The following FAM81B variants were observed in gnomAD, a reference collection of about 807,000 sequenced individuals.
FAM81B encodes the protein family with sequence similarity 81 member B.
Under a neutral mutation model 58.7 loss-of-function variants are expected in FAM81B, and 60 were observed. The ratio of observed to expected loss-of-function variants is 1.02; its 90% CI spans 0.83 to 1.27. The LOEUF (loss-of-function observed/expected upper bound fraction) is 1.27. Ranked by LOEUF, FAM81B falls within the 50% of genes most tolerant of loss-of-function variation. FAM81B has a pLI of 0.00. For synonymous variants in FAM81B, 189 were observed against 179.6 expected (o/e 1.05, Z -0.42); for missense variants, 491 against 522.0 (o/e 0.94, Z 0.58).
chr5:95,432,783 T>G (rs1238810459), intron 6 of FAM81B, among the ~76,000 whole-genome samples: 1 of 152,114 alleles, frequency 6.6e-6, no homozygotes, highest in East Asian at 1.9e-4. Context: ...TTTTCCCCCT[T>G]GATTAGGTTA....
chr5:95,411,177 C>A (rs552000322), intron 3 of FAM81B, among the ~76,000 whole-genome samples: 1 of 152,104 alleles, frequency 6.6e-6, no homozygotes, highest in Admixed American at 6.6e-5. Context: ...ACTATATAAG[C>A]AAGTGTTTTA....
chr5:95,408,281 T>A lies in FAM81B; in HGVS notation c.294-5666T>A, dbSNP rs544602945. Among the ~76,000 whole-genome samples the A allele has an allele frequency of 2.0e-5, 3 of 152,334 alleles. No homozygotes were observed. In the East Asian group the frequency reaches 5.8e-4, roughly 29 times the overall value. Reference sequence around the variant, plus strand: ...GGCCAAGAGAGGGTATCAGGATTTTTAAGTTTCTTTGCCTGTACATGAAAT... The same window carrying A: ...GGCCAAGAGAGGGTATCAGGATTTTAAAGTTTCTTTGCCTGTACATGAAAT... On this transcript the variant is annotated intron_variant, in intron 3 of 9. Coordinates refer to ENST00000283357, the MANE Select transcript of FAM81B (RefSeq NM_152548.3).
At chr5:95,423,316 C>T (rs1038903078) in intron 5 of FAM81B, among the ~76,000 whole-genome samples, 4 of 152,056 alleles carry the variant, frequency 2.6e-5, no homozygotes, top group African/African-American at 9.7e-5. Flanking sequence ...AAGTTGCCAG[C>T]CTGCTTTTGA....
At chr5:95,413,637 T>C (rs1041650010) in intron 3 of FAM81B, among the ~76,000 whole-genome samples, 3 of 152,224 alleles carry the variant, frequency 2.0e-5, no homozygotes, top group African/African-American at 7.2e-5. Context: ...TAATTTTTTC[T>C]ACGTTAAAGT....
intron 3 of FAM81B, among the ~76,000 whole-genome samples, chr5:95,408,024 T>C (rs865900086): frequency 1.3e-5 from 2 of 151,260 alleles, no homozygotes; most frequent in Non-Finnish European, 1.5e-5. Context: ...TTCCTCACCA[T>C]GTGGACCTCT....
Position 95,440,596 on chromosome 5 carries a change from A to G in FAM81B, c.893+3690A>G, listed in dbSNP as rs573178934. Reference sequence around the variant, plus strand: ...TTACTGCATATAGAAGAGCTCAGAGAGCTACAGACAAAAATTAATGAAGCC... The same window carrying G: ...TTACTGCATATAGAAGAGCTCAGAGGGCTACAGACAAAAATTAATGAAGCC... On this transcript the variant is annotated intron_variant, in intron 7 of 9. Transcript: ENST00000283357. 9 of 649,596 alleles carry G rather than the reference A, an allele frequency of 1.4e-5. No homozygotes were observed. The East Asian group carries it at 2.0e-4, about 14-fold the overall frequency. 40.2% of individuals were successfully genotyped at this position (649,596 alleles called of 1,614,324 possible).
At chr5:95,420,540 G>A in intron 5 of FAM81B, 138 bp downstream of exon 5, 2 of 1,253,196 alleles carry the variant, frequency 1.6e-6, no homozygotes, top group Non-Finnish European at 1.1e-6. Context: ...ATTTGAGAAA[G>A]TGTACCATAG....
intron 3 of FAM81B, among the ~76,000 whole-genome samples, chr5:95,412,975 T>C (rs1371262580): frequency 1.3e-5 from 2 of 152,210 alleles, no homozygotes; most frequent in Admixed American, 1.3e-4. Flanking sequence ...GAATATTTCA[T>C]CACTCAATGA....
intron 5 of FAM81B, among the ~76,000 whole-genome samples, chr5:95,422,122 T>C (rs144210501): frequency 0.014 from 2,120 of 149,622 alleles, 54 homozygotes; most frequent in African/African-American, 0.05. Context: ...ACAACATAAA[T>C]GACTTTGTGG....
chr5:95,423,461 T>G (rs1171701091), intron 5 of FAM81B, among the ~76,000 whole-genome samples: 1 of 149,854 alleles, frequency 6.7e-6, no homozygotes, highest in Non-Finnish European at 1.5e-5. Context: ...GGGATGGATA[T>G]GACTTACAAT....
chr5:95,450,039 G>A lies in FAM81B; in HGVS notation c.1226-110G>A, dbSNP rs571526499. 4.5e-4 allele frequency: 547 copies of A among 1,221,394 alleles called. 1 individual carries two copies. The highest frequency in any genetic ancestry group is 4.0e-3 in the East Asian group (156 of 39,118). The allele number at this position is 1,221,394 out of a possible 1,614,324, so 75.7% of individuals were successfully genotyped here. A position where few individuals can be genotyped will look rare whatever the true frequency, so the allele number is the denominator to read the frequency against. ...GGCTGGTCTTCATAGAATTTAATGCGCTTGGAATTAAATGATAATCAATTA... is the reference window on the plus strand; with the variant it reads ...GGCTGGTCTTCATAGAATTTAATGCACTTGGAATTAAATGATAATCAATTA... On this transcript the variant is annotated intron_variant, in intron 9 of 9. Transcript: ENST00000283357.
Position 95,448,422 on chromosome 5 carries a change from A to T in FAM81B, c.1183A>T (p.Ile395Phe), listed in dbSNP as rs77360423. The T allele has an allele frequency of 1.9e-6, 3 of 1,610,820 alleles. No individual in the cohort carries two copies. Among genetic ancestry groups the T allele is most frequent in the Non-Finnish European group, 2.5e-6 (3 of 1,179,268 alleles). Residue 395 changes from isoleucine to phenylalanine, a missense_variant, in exon 9 of 10, where the codon ATC becomes TTC. By Grantham distance (21) the Ile-to-Phe change is conservative. Transcript: ENST00000283357. Reference sequence around the variant, plus strand: ...AAAGATGGAACAAATGGAAAAGCAGATCTGGGGTGAATTAGAGACAATGCA... The same window carrying T: ...AAAGATGGAACAAATGGAAAAGCAGTTCTGGGGTGAATTAGAGACAATGCA... ...SKKMEQMEKQ[I>F]WGELETMQNE...
chr5:95,407,407 CA>C (rs1762280366), intron 3 of FAM81B, among the ~76,000 whole-genome samples: 1 of 150,704 alleles, frequency 6.6e-6, no homozygotes, highest in Non-Finnish European at 1.5e-5. Context: ...CACACACACA[CA>C]CGCACACACA....
rs550600053 is a variant in FAM81B at position 95,420,118 on chromosome 5, C to A, written c.538-166C>A. Among the ~76,000 whole-genome samples the A allele has an allele frequency of 7.2e-5, 11 of 152,316 alleles. No homozygotes were observed. In the South Asian group the frequency reaches 2.3e-3, roughly 32 times the overall value. Reference sequence around the variant, plus strand: ...AGAATCAAACCACTGCTGCTTCCCTCAGATAAATTAGCAGAGATCACTTCT... The same window carrying A: ...AGAATCAAACCACTGCTGCTTCCCTAAGATAAATTAGCAGAGATCACTTCT... On this transcript the variant is annotated intron_variant, in intron 4 of 9. Coordinates refer to ENST00000283357, the MANE Select transcript of FAM81B (RefSeq NM_152548.3).
rs753463389 is a variant in FAM81B, at chr5:95,414,120, C to G, written c.467C>G (p.Ala156Gly). 41 of 1,614,044 alleles carry G rather than the reference C, an allele frequency of 2.5e-5. No homozygotes were observed. Among genetic ancestry groups the G allele is most frequent in the Non-Finnish European group, 3.5e-5 (41 of 1,179,994 alleles). Residue 156 changes from alanine (A) to glycine (G), a missense_variant, in exon 4 of 10, where the codon GCC becomes GGC. Physicochemically the swap from Ala to Gly is moderately conservative, Grantham distance 60. Coordinates refer to ENST00000283357, the MANE Select transcript of FAM81B (RefSeq NM_152548.3). Reference protein sequence around the residue: ...THGFRKEESLARKLLESHIQT... With the variant: ...THGFRKEESLGRKLLESHIQT... ...GGCTTTCGAAAAGAGGAATCGCTCG[C>G]CAGGAAGTTACTGGAAAGCCACATC... is the stretch of plus-strand genomic sequence containing the variant.
At chr5:95,415,885 A>G (rs1195168782) in intron 4 of FAM81B, among the ~76,000 whole-genome samples, 2 of 152,252 alleles carry the variant, frequency 1.3e-5, no homozygotes. Context: ...TATTAGCAAT[A>G]AGGAGAAAGT....
intron 5 of FAM81B, among the ~76,000 whole-genome samples, chr5:95,427,011 T>A (rs1471331613): frequency 1.3e-5 from 2 of 151,956 alleles, no homozygotes; most frequent in South Asian, 2.1e-4. Context: ...ATTGTGCCAC[T>A]GCACTCCAGC....
At chr5:95,426,024 A>G (rs1201453550) in intron 5 of FAM81B, among the ~76,000 whole-genome samples, 1 of 149,024 alleles carries the variant, frequency 6.7e-6, no homozygotes, top group Non-Finnish European at 1.5e-5. Context: ...AATTAAATGT[A>G]ATATTTTAAA....
At position 95,391,501 on chromosome 5, in the gene FAM81B, A is replaced by C; in HGVS notation, c.112A>C (p.Ile38Leu). Residue 38 changes from isoleucine (I) to leucine (L), a missense_variant, in exon 1 of 10, where the codon ATC becomes CTC. Transcript: ENST00000283357. The stretch of plus-strand genomic sequence containing the variant: ...AAAAAATAAAGCTGGAAAAGCAAGC[A>C]TCATGAGTTCAGGTACTTATGGACT... ...STKNKAGKAS[I>L]MSSDTNVNKS... 6.2e-7 allele frequency: 1 copy of C among 1,613,540 alleles called. No homozygotes were observed. Among genetic ancestry groups the C allele is most frequent in the Non-Finnish European group, 8.5e-7 (1 of 1,179,678 alleles).
Sources: allele counts gnomAD v4.1 joint callset (sites outside exome capture counted in the v4.1 genomes callset), GRCh38; gene constraint gnomAD v4.1.1; transcripts MANE v1.5; gene names NCBI Gene and HGNC (gene_info 2026-07-23, HGNC 2026-07-21).